The following RREB1 variants were observed in gnomAD, a reference collection of about 807,000 sequenced individuals.
The protein encoded by RREB1 is ras responsive element binding protein 1, also known as ras-responsive element-binding protein 1.
A neutral mutation model predicts 117.8 loss-of-function variants in RREB1; 27 were observed. That is an observed-to-expected ratio of 0.23 (90% CI 0.17 to 0.32). The LOEUF (loss-of-function observed/expected upper bound fraction) is 0.32, where lower values mean the gene tolerates loss of function less well. Ranked by LOEUF, RREB1 falls within the 10% of genes least tolerant of loss-of-function variation. The probability of loss-of-function intolerance (pLI) is 1.00; values close to 1 mark genes in which losing one functional copy is unlikely to be tolerated. For synonymous variants in RREB1, 1,298 were observed against 1,026.7 expected (o/e 1.26, Z -5.05); for missense variants, 2,577 against 2,378.2 (o/e 1.08, Z -1.74).
At position 7,233,874 on chromosome 6, in the gene RREB1, G is replaced by A. The variant is rs572807790; in HGVS notation, c.3808+1967G>A. 5.4e-4 allele frequency among the ~76,000 whole-genome samples: 83 copies of A among 152,314 alleles called. 1 individual carries two copies. The highest frequency in any genetic ancestry group is 1.8e-3 in the African/African-American group (74 of 41,562). On this transcript the variant is annotated intron_variant, in intron 10 of 12. Coordinates refer to ENST00000379938, the MANE Select transcript of RREB1 (RefSeq NM_001003699.4). ...ATACCTGAACAGTGTGCAGAATGGA[G>A]CCTGGGGAGGGAGAGGAATCTGGGA... is the stretch of plus-strand genomic sequence containing the variant.
chr6:7,172,917 A>T (rs1284160050), intron 1 of RREB1, among the ~76,000 whole-genome samples: 1 of 152,168 alleles, frequency 6.6e-6, no homozygotes, highest in Non-Finnish European at 1.5e-5. Flanking sequence ...TTCTGTCCCC[A>T]GCCTAGCCAA....
chr6:7,176,197 A>G (rs1764491449), intron 1 of RREB1, among the ~76,000 whole-genome samples: 1 of 152,226 alleles, frequency 6.6e-6, no homozygotes, highest in Non-Finnish European at 1.5e-5. Context: ...GATTACAGGC[A>G]TGAGCCACTG....
intron 8 of RREB1, chr6:7,217,262 C>T (rs556926408): frequency 6.6e-6 from 1 of 152,184 alleles, no homozygotes; most frequent in Admixed American, 6.6e-5. Flanking sequence ...GGAGACAGAA[C>T]AGGAAAAATG....
At chr6:7,171,902 G>A (rs1417822938) in intron 1 of RREB1, among the ~76,000 whole-genome samples, 38 of 152,052 alleles carry the variant, frequency 2.5e-4, no homozygotes. Context: ...TGAGGCCAGA[G>A]CATGGAGACT....
In RREB1 at chr6:7,250,052, A is replaced by C. The variant is rs1769343416; in HGVS notation, c.*1084A>C. 6.6e-6 allele frequency: 1 copy of C among 152,656 alleles called. No individual in the cohort carries two copies. The highest frequency in any genetic ancestry group is 2.4e-5 in the African/African-American group (1 of 41,446). 9.5% of individuals were successfully genotyped at this position (152,656 alleles called of 1,614,324 possible). On this transcript the variant is annotated 3_prime_UTR_variant, in exon 13 of 13. Transcript: ENST00000379938. ...CCCAAGCATGGTCCAGGAGCAGCTC[A>C]GAGAGGGTGGAGTGAGGATGCATGC...
At chr6:7,163,619 C>T (rs1478597406) in intron 1 of RREB1, among the ~76,000 whole-genome samples, 1 of 152,144 alleles carries the variant, frequency 6.6e-6, no homozygotes, top group Non-Finnish European at 1.5e-5. Context: ...TGGTCTCGAT[C>T]TCCTGACCTC....
intron 4 of RREB1, among the ~76,000 whole-genome samples, chr6:7,182,376 C>G (rs1013684609): frequency 1.3e-5 from 2 of 152,174 alleles, no homozygotes; most frequent in African/African-American, 2.4e-5. Context: ...CAGGGAACAT[C>G]ACTGATTTCT....
rs1769420623 is a variant in RREB1, at chr6:7,251,719, A to G, written c.*2751A>G. 1 of 152,104 alleles carries G rather than the reference A, an allele frequency of 6.6e-6. No homozygotes were observed. The highest frequency in any genetic ancestry group is 1.5e-5 in the Non-Finnish European group (1 of 68,024). The allele number at this position is 152,104 out of a possible 1,614,324, so 9.4% of individuals were successfully genotyped here. On this transcript the variant is annotated 3_prime_UTR_variant, in exon 13 of 13. Coordinates refer to ENST00000379938, the MANE Select transcript of RREB1 (RefSeq NM_001003699.4). The stretch of plus-strand genomic sequence containing the variant: ...TTTCTTCAAGAAGGAAATTGATCCT[A>G]GTGATTTCAGCCCATGCATTAAACA...
chr6:7,113,391 C>T (rs997027542), intron 1 of RREB1, among the ~76,000 whole-genome samples: 8 of 152,192 alleles, frequency 5.3e-5, no homozygotes, highest in Non-Finnish European at 1.0e-4. Context: ...ATGAAAGTGT[C>T]TGATACTTCT....
At chr6:7,195,641 GT>G (rs1416377482) in intron 6 of RREB1, among the ~76,000 whole-genome samples, 7 of 152,212 alleles carry the variant, frequency 4.6e-5, no homozygotes, top group African/African-American at 1.7e-4. Context: ...TCTTTTTCTT[GT>G]TTCCCTTCCG....
At chr6:7,228,573 A>G (rs181538413) in intron 9 of RREB1, among the ~76,000 whole-genome samples, 3 of 137,668 alleles carry the variant, frequency 2.2e-5, no homozygotes, top group Admixed American at 8.1e-5. Flanking sequence ...TGGCATAATC[A>G]TGTGTCACTT....
chr6:7,249,099 G>GACAA lies in RREB1; in HGVS notation c.*132_*133insCAAA, dbSNP rs1308089743. ...AGAGAGAGAGAGAGAGAGAGAGAGA[G>GACAA]AGAGACAAGCAGGAGCGTGGCTGCT... On this transcript the variant is annotated 3_prime_UTR_variant, in exon 13 of 13. Coordinates refer to ENST00000379938, the MANE Select transcript of RREB1 (RefSeq NM_001003699.4). 1 of 587,788 alleles carries GACAA rather than the reference G, an allele frequency of 1.7e-6. No individual in the cohort carries two copies. The highest frequency in any genetic ancestry group is 2.2e-5 in the African/African-American group (1 of 46,254). The allele number at this position is 587,788 out of a possible 1,614,324, so 36.4% of individuals were successfully genotyped here. A position where few individuals can be genotyped will look rare whatever the true frequency, so the allele number is the denominator to read the frequency against.
At chr6:7,147,842 C>G (rs1455232405) in intron 1 of RREB1, among the ~76,000 whole-genome samples, 2 of 150,754 alleles carry the variant, frequency 1.3e-5, no homozygotes, top group Non-Finnish European at 3.0e-5. Flanking sequence ...TCAGAAACAT[C>G]AGTGAGTTCA....
At chr6:7,157,140 TA>T (rs2113449475) in intron 1 of RREB1, among the ~76,000 whole-genome samples, 1 of 152,178 alleles carries the variant, frequency 6.6e-6, no homozygotes, top group East Asian at 1.9e-4. Context: ...AATTAATTAG[TA>T]AAATATTTGG....
At chr6:7,135,255 A>G (rs1004529397) in intron 1 of RREB1, among the ~76,000 whole-genome samples, 2 of 152,246 alleles carry the variant, frequency 1.3e-5, no homozygotes, top group South Asian at 4.1e-4. Context: ...AATGATACCC[A>G]TGGGCAGCAT....
At chr6:7,149,530 G>C (rs1581453188) in intron 1 of RREB1, among the ~76,000 whole-genome samples, 1 of 152,152 alleles carries the variant, frequency 6.6e-6, no homozygotes, top group Non-Finnish European at 1.5e-5. Flanking sequence ...TTATGAGTTT[G>C]TCTTCATTTT....
intron 2 of RREB1, among the ~76,000 whole-genome samples, chr6:7,178,227 GAAGA>G (rs1385696639): frequency 1.3e-5 from 2 of 152,120 alleles, no homozygotes; most frequent in Admixed American, 6.5e-5. Flanking sequence ...AAATGTTGCA[GAAGA>G]AAGAATGAAA....
At chr6:7,111,431 T>C (rs115191054) in intron 1 of RREB1, among the ~76,000 whole-genome samples, 2,328 of 152,346 alleles carry the variant, frequency 0.015, 65 homozygotes, top group African/African-American at 0.053. Flanking sequence ...ATATATTCTT[T>C]GGAAACAGAA....
chr6:7,126,841 C>T (rs958318467), intron 1 of RREB1, among the ~76,000 whole-genome samples: 3 of 152,070 alleles, frequency 2.0e-5, no homozygotes, highest in Admixed American at 2.0e-4. Context: ...TCTGGAAATG[C>T]AAGGATGGGT....
Sources: gnomAD v4.1 joint callset for allele counts (sites outside exome capture counted in the v4.1 genomes callset) on GRCh38, gnomAD v4.1.1 for gene constraint, MANE v1.5 for transcripts, NCBI Gene and HGNC (gene_info 2026-07-23, HGNC 2026-07-21) for gene names.